VSTM5: variants seen among roughly 807,000 people sequenced by gnomAD.
The protein encoded by VSTM5 is V-set and transmembrane domain-containing protein 5.
In VSTM5, 21 loss-of-function variants were observed where a neutral mutation model predicts 20.3. The observed-to-expected ratio is 1.03, with a 90% CI of 0.73 to 1.49. The LOEUF is 1.49. Ranked by LOEUF, VSTM5 falls within the 40% of genes most tolerant of loss-of-function variation. The probability of loss-of-function intolerance (pLI) is 0.00; values close to 1 mark genes in which losing one functional copy is unlikely to be tolerated. For missense variants in VSTM5, 219 were observed against 250.0 expected, an observed-to-expected ratio of 0.88 and a Z score of 0.84; for synonymous variants, 100 against 102.5, an observed-to-expected ratio of 0.98 and a Z score of 0.14.
intron 1 of VSTM5, chr11:93,821,740 A>G (rs1944188623): frequency 5.7e-6 from 1 of 176,438 alleles, no homozygotes; most frequent in Admixed American, 5.4e-5. Context: ...AACAAAGTGC[A>G]GAGTTTAAGA....
chr11:93,850,469 G>A lies in VSTM5; in HGVS notation c.34C>T (p.Arg12Ter), dbSNP rs1488756407. 2 of 1,549,952 alleles carry A rather than the reference G, an allele frequency of 1.3e-6. No individual in the cohort carries two copies. The highest frequency in any genetic ancestry group is 1.7e-6 in the Non-Finnish European group (2 of 1,146,566). Residue 12 changes from arginine to a stop codon, truncating the protein, a stop_gained, in exon 1 of 4, where the codon CGA (arginine) becomes TGA (stop). Coordinates refer to ENST00000409977, the MANE Select transcript of VSTM5 (RefSeq NM_001144871.2). LOFTEE classifies it high-confidence loss of function. ...GCGAAGAGTCCTAGGGAGATGCCTC[G>A]GGTCTTCCTCCTCCCGCTGGGCAGA... ...RPLPSGRRKTRGISLGLFALC... is the reference protein window; with the variant it reads ...RPLPSGRRKT
intron 1 of VSTM5, among the ~76,000 whole-genome samples, chr11:93,835,151 G>T (rs1944313607): frequency 6.6e-6 from 1 of 152,118 alleles, no homozygotes; most frequent in Non-Finnish European, 1.5e-5. Flanking sequence ...ATGGCCAGGT[G>T]CAGGGGCTCA....
chr11:93,829,886 T>C (rs79182986), intron 1 of VSTM5, among the ~76,000 whole-genome samples: 2,380 of 152,320 alleles, frequency 0.016, 58 homozygotes, highest in African/African-American at 0.054. Flanking sequence ...GAGCAGAGAT[T>C]CAAAACCGAG....
chr11:93,820,687 A>G (rs1219181435), intron 3 of VSTM5, 56 bp downstream of exon 3: 1 of 1,551,646 alleles, frequency 6.4e-7, no homozygotes, highest in Non-Finnish European at 8.7e-7. Context: ...AAGATAACAC[A>G]TGCCACCTCT....
Position 93,849,560 on chromosome 11 carries a change from A to C in VSTM5, c.91+852T>G, listed in dbSNP as rs555988904. Among the ~76,000 whole-genome samples, 5 of 152,324 alleles carry C rather than the reference A, an allele frequency of 3.3e-5. No homozygotes were observed. In the South Asian group the frequency reaches 1.0e-3, roughly 32 times the overall value. On this transcript the variant is annotated intron_variant, in intron 1 of 3. Transcript: ENST00000409977. ...AATGAGAGAGGTCTTGTAAAGTCTGAGGGATGGTGAATGCATAAATGCTTA... is the reference window on the plus strand; with the variant it reads ...AATGAGAGAGGTCTTGTAAAGTCTGCGGGATGGTGAATGCATAAATGCTTA...
At chr11:93,839,600 A>G (rs569895467) in intron 1 of VSTM5, among the ~76,000 whole-genome samples, 2 of 152,308 alleles carry the variant, frequency 1.3e-5, no homozygotes, top group South Asian at 4.1e-4. Context: ...ATATTATCAT[A>G]GTCCACCAGT....
chr11:93,820,401 C>G lies in VSTM5; in HGVS notation c.*168G>C. 1 of 695,792 alleles carries G rather than the reference C, an allele frequency of 1.4e-6. No individual in the cohort carries two copies. Among genetic ancestry groups the G allele is most frequent in the Non-Finnish European group, 2.4e-6 (1 of 413,490 alleles). The allele number at this position is 695,792 out of a possible 1,614,324, so 43.1% of individuals were successfully genotyped here. A position where few individuals can be genotyped will look rare whatever the true frequency, so the allele number is the denominator to read the frequency against. ...CGCGAGTCCTAATACTAGCTTTGTC[C>G]CATCCACAGTCCTCAACTCCATGCA... On this transcript the variant is annotated 3_prime_UTR_variant, in exon 4 of 4. Transcript: ENST00000409977.
At chr11:93,842,206 T>A (rs866623584) in intron 1 of VSTM5, among the ~76,000 whole-genome samples, 7 of 152,210 alleles carry the variant, frequency 4.6e-5, no homozygotes, top group African/African-American at 1.2e-4. Context: ...GATCTCCCCA[T>A]CCTTGGGGGT....
intron 1 of VSTM5, among the ~76,000 whole-genome samples, chr11:93,829,817 G>A (rs1944267297): frequency 6.6e-6 from 1 of 152,186 alleles, no homozygotes; most frequent in Admixed American, 6.5e-5. Flanking sequence ...AGGCTCATCG[G>A]GTGCTGGCCT....
rs370022612 is a variant in VSTM5, at chr11:93,820,093, T to C, written c.*476A>G. On this transcript the variant is annotated 3_prime_UTR_variant, in exon 4 of 4. Coordinates refer to ENST00000409977, the MANE Select transcript of VSTM5 (RefSeq NM_001144871.2). The stretch of plus-strand genomic sequence containing the variant: ...TCACAATAGCTCCCACAGCAGTGCT[T>C]GCTTGTGGGATACCAGATGGGGGGC... 32 of 181,658 alleles carry C rather than the reference T, an allele frequency of 1.8e-4. 1 individual carries two copies. Among genetic ancestry groups the C allele is most frequent in the African/African-American group, 6.7e-4 (28 of 41,918 alleles). 11.3% of individuals were successfully genotyped at this position (181,658 alleles called of 1,614,324 possible). A position where few individuals can be genotyped will look rare whatever the true frequency, so the allele number is the denominator to read the frequency against.
Position 93,838,627 on chromosome 11 carries a change from T to TAA in VSTM5, c.91+11783_91+11784dup, listed in dbSNP as rs56088617. On this transcript the variant is annotated intron_variant, in intron 1 of 3. Transcript: ENST00000409977. ...GCCAACATGGTGAAATCCCGTCTCTTAAAAAAAAAAAAAAAAAAAAAAAAG... is the reference window on the plus strand; with the variant it reads ...GCCAACATGGTGAAATCCCGTCTCTTAAAAAAAAAAAAAAAAAAAAAAAAAAG... 7.3e-3 allele frequency among the ~76,000 whole-genome samples: 683 copies of TAA among 93,212 alleles called. 13 individuals are homozygous for TAA. The highest frequency in any genetic ancestry group is 0.027 in the African/African-American group (623 of 23,388). The allele number at this position is 93,212 out of a possible 152,430, so 61.2% of individuals were successfully genotyped here. A position where few individuals can be genotyped will look rare whatever the true frequency, so the allele number is the denominator to read the frequency against.
rs1414716037 is a variant in VSTM5 at position 93,821,547 on chromosome 11, A to T, written c.92-224T>A. The T allele has an allele frequency of 1.4e-5, 8 of 556,690 alleles. No individual in the cohort carries two copies. The East Asian group carries it at 2.4e-4, about 17-fold the overall frequency. 34.5% of individuals were successfully genotyped at this position (556,690 alleles called of 1,614,324 possible). On this transcript the variant is annotated intron_variant, in intron 1 of 3. Coordinates refer to ENST00000409977, the MANE Select transcript of VSTM5 (RefSeq NM_001144871.2). Reference sequence around the variant, plus strand: ...GCAACCTTTTTCCATTTTGAAGACTATTTAGAATGCTCCCTTTTATTTCAA... The same window carrying T: ...GCAACCTTTTTCCATTTTGAAGACTTTTTAGAATGCTCCCTTTTATTTCAA...
chr11:93,842,609 C>T (rs576640611), intron 1 of VSTM5, among the ~76,000 whole-genome samples: 117 of 152,312 alleles, frequency 7.7e-4, no homozygotes, highest in African/African-American at 2.5e-3. Flanking sequence ...CTGGGTTTGC[C>T]GTCTGCAAAG....
chr11:93,828,102 G>A (rs1437142024), intron 1 of VSTM5, among the ~76,000 whole-genome samples: 9 of 152,146 alleles, frequency 5.9e-5, no homozygotes, highest in African/African-American at 1.9e-4. Flanking sequence ...ATTAGACTAT[G>A]CAATCTTGGC....
intron 1 of VSTM5, among the ~76,000 whole-genome samples, chr11:93,831,297 A>G (rs601792): frequency 0.83 from 126,774 of 152,104 alleles, 53,253 homozygotes; most frequent in Admixed American, 0.91. Flanking sequence ...CCCAAGTGCT[A>G]GGATTACAGG....
intron 1 of VSTM5, among the ~76,000 whole-genome samples, chr11:93,833,437 G>A (rs146391047): frequency 0.016 from 2,427 of 152,218 alleles, 57 homozygotes; most frequent in African/African-American, 0.055. Context: ...AAATTAGCTG[G>A]GCATGGTGGC....
At chr11:93,840,722 T>C (rs1268654200) in intron 1 of VSTM5, among the ~76,000 whole-genome samples, 1 of 152,066 alleles carries the variant, frequency 6.6e-6, no homozygotes, top group African/African-American at 2.4e-5. Context: ...TCCATTAGAA[T>C]CACCTGGAGG....
At chr11:93,848,691 C>T (rs1944433103) in intron 1 of VSTM5, among the ~76,000 whole-genome samples, 1 of 152,224 alleles carries the variant, frequency 6.6e-6, no homozygotes, top group Admixed American at 6.5e-5. Flanking sequence ...GCATGTCTGT[C>T]TTCTCCATGA....
At chr11:93,838,845 C>T (rs16919444) in intron 1 of VSTM5, among the ~76,000 whole-genome samples, 34,090 of 152,142 alleles carry the variant, frequency 0.22, 5,043 homozygotes, top group African/African-American at 0.42. Flanking sequence ...GTAAGAAAGC[C>T]TGACAGCCAA....
Sources: gnomAD v4.1 joint callset for allele counts (sites outside exome capture counted in the v4.1 genomes callset) on GRCh38, gnomAD v4.1.1 for gene constraint, MANE v1.5 for transcripts, NCBI Gene and HGNC (gene_info 2026-07-23, HGNC 2026-07-21) for gene names.